FANCL: variants seen among roughly 807,000 people sequenced by gnomAD.
FANCL encodes E3 ubiquitin-protein ligase FANCL.
A neutral mutation model predicts 59.4 loss-of-function variants in FANCL; 69 were observed. The ratio of observed to expected loss-of-function variants is 1.16; its 90% CI spans 0.96 to 1.42. The LOEUF (loss-of-function observed/expected upper bound fraction) is 1.42. Ranked by LOEUF, FANCL falls within the 40% of genes most tolerant of loss-of-function variation. The pLI, the probability that FANCL is intolerant of heterozygous loss-of-function variation, is 0.00. For missense variants in FANCL, 519 were observed against 447.2 expected (o/e 1.16, Z -1.45); for synonymous variants, 180 against 147.1 (o/e 1.22, Z -1.62).
At chr2:58,214,225 T>G (rs1273407851) in intron 5 of FANCL, among the ~76,000 whole-genome samples, 1 of 152,164 alleles carries the variant, frequency 6.6e-6, no homozygotes, top group African/African-American at 2.4e-5. Context: ...ATGATAGAGA[T>G]ATTCATATCC....
intron 7 of FANCL, among the ~76,000 whole-genome samples, chr2:58,185,706 G>A (rs1016767893): frequency 3.9e-5 from 6 of 152,068 alleles, no homozygotes; most frequent in Admixed American, 2.0e-4. Context: ...TAAACCACTC[G>A]AAAACTGGGT....
At chr2:58,236,441 T>C (rs1388417345) in intron 1 of FANCL, among the ~76,000 whole-genome samples, 1 of 151,120 alleles carries the variant, frequency 6.6e-6, no homozygotes, top group East Asian at 1.9e-4. Flanking sequence ...ATATGTATAT[T>C]ATAAACCCTT....
At chr2:58,176,142 A>G (rs551901054) in intron 7 of FANCL, among the ~76,000 whole-genome samples, 3 of 152,112 alleles carry the variant, frequency 2.0e-5, no homozygotes, top group Admixed American at 2.0e-4. Flanking sequence ...ATACAAACAA[A>G]TGGAAGAACA....
At chr2:58,178,251 T>C (rs562819076) in intron 7 of FANCL, among the ~76,000 whole-genome samples, 1 of 152,302 alleles carries the variant, frequency 6.6e-6, no homozygotes, top group South Asian at 2.1e-4. Context: ...TGCATCATCC[T>C]GACACCAAAA....
intron 2 of FANCL, 119 bp downstream of exon 2, chr2:58,231,935 G>A: frequency 1.3e-6 from 1 of 788,786 alleles, no homozygotes. Flanking sequence ...TTCTTTTGGG[G>A]CAAATGACTA....
intron 5 of FANCL, among the ~76,000 whole-genome samples, chr2:58,207,126 G>C (rs1690664344): frequency 6.6e-6 from 1 of 152,136 alleles, no homozygotes; most frequent in Non-Finnish European, 1.5e-5. Context: ...AAGCACAAGT[G>C]ATGTGTGCTT....
chr2:58,179,696 C>T (rs983725705), intron 7 of FANCL, among the ~76,000 whole-genome samples: 5 of 152,142 alleles, frequency 3.3e-5, no homozygotes, highest in African/African-American at 9.7e-5. Context: ...ATGACTAAAA[C>T]ACCAAAAGCA....
At chr2:58,230,560 T>C (rs1169559557) in intron 2 of FANCL, among the ~76,000 whole-genome samples, 1 of 152,234 alleles carries the variant, frequency 6.6e-6, no homozygotes, top group Admixed American at 6.5e-5. Context: ...CCCGATACTA[T>C]TAAGTAACTC....
chr2:58,235,868 G>A (rs557195995), intron 1 of FANCL, among the ~76,000 whole-genome samples: 2 of 151,900 alleles, frequency 1.3e-5, no homozygotes, highest in African/African-American at 4.8e-5. Context: ...ATGCTAGATA[G>A]TATCAACAGC....
rs919344784 is a variant in FANCL, at chr2:58,226,914, A to C, written c.217-130T>G. On this transcript the variant is annotated intron_variant, in intron 3 of 13. Coordinates refer to ENST00000233741, the MANE Select transcript of FANCL (RefSeq NM_018062.4). The stretch of plus-strand genomic sequence containing the variant: ...TATATCTACATCTGAAAACTATAAG[A>C]AATGAAGTATCGGTCATCAACTTTA... 6 of 758,136 alleles carry C rather than the reference A, an allele frequency of 7.9e-6. No individual in the cohort carries two copies. In the African/African-American group the frequency reaches 8.9e-5, roughly 11 times the overall value. 47.0% of individuals were successfully genotyped at this position (758,136 alleles called of 1,614,324 possible).
intron 4 of FANCL, among the ~76,000 whole-genome samples, chr2:58,225,491 G>A (rs1354708128): frequency 6.6e-6 from 1 of 151,916 alleles, no homozygotes. Flanking sequence ...TGTTATTAGA[G>A]GCTAAAATCA....
intron 7 of FANCL, among the ~76,000 whole-genome samples, chr2:58,192,382 T>C (rs533725021): frequency 1.2e-4 from 18 of 152,052 alleles, no homozygotes; most frequent in Admixed American, 6.6e-4. Context: ...ACTTAAGAAA[T>C]ACCATTGGTA....
intron 7 of FANCL, among the ~76,000 whole-genome samples, chr2:58,167,733 A>C (rs1431261026): frequency 6.6e-6 from 1 of 152,250 alleles, no homozygotes; most frequent in Non-Finnish European, 1.5e-5. Flanking sequence ...ATACGATTTT[A>C]CTAGCTAGCC....
chr2:58,221,999 G>A lies in FANCL; in HGVS notation c.317C>T (p.Pro106Leu), dbSNP rs771772034. ...KNRQELYALP[P>L]PPQFYSSLIE... The stretch of plus-strand genomic sequence containing the variant: ...AAGGCTTGAGTAGAACTGGGGAGGA[G>A]GAGGTAGTGCATACAGCTCTTGTCT... Residue 106 changes from proline to leucine, a missense_variant, in exon 5 of 14, where the codon CCT becomes CTT. Coordinates refer to ENST00000233741, the MANE Select transcript of FANCL (RefSeq NM_018062.4). The A allele has an allele frequency of 1.1e-5, 18 of 1,613,440 alleles. No individual in the cohort carries two copies. The highest frequency in any genetic ancestry group is 1.5e-5 in the Non-Finnish European group (18 of 1,179,606).
chr2:58,194,966 C>A lies in FANCL; in HGVS notation c.540+3628G>T, dbSNP rs1689290106. On this transcript the variant is annotated intron_variant, in intron 7 of 13. Coordinates refer to ENST00000233741, the MANE Select transcript of FANCL (RefSeq NM_018062.4). ...AATAAAGATCTTCCAAGTTTAAAGT[C>A]CAGAAACACTGACTCCAAAGAGAAA... 2.0e-5 allele frequency among the ~76,000 whole-genome samples: 3 copies of A among 151,246 alleles called. No individual in the cohort carries two copies. The South Asian group carries it at 6.3e-4, about 32-fold the overall frequency.
Position 58,229,877 on chromosome 2 carries a change from A to T in FANCL, c.156-3T>A. 1 of 1,604,128 alleles carries T rather than the reference A, an allele frequency of 6.2e-7. No individual in the cohort carries two copies. The highest frequency in any genetic ancestry group is 8.5e-7 in the Non-Finnish European group (1 of 1,171,146). On this transcript the variant is annotated splice_region_variant and splice_polypyrimidine_tract_variant and intron_variant, in intron 2 of 13. Coordinates refer to ENST00000233741, the MANE Select transcript of FANCL (RefSeq NM_018062.4). Reference sequence around the variant, plus strand: ...TCAGCTGCCAACTACATAATAATCTAAAATTTTAATGAGACAAAATGGTTT... The same window carrying T: ...TCAGCTGCCAACTACATAATAATCTTAAATTTTAATGAGACAAAATGGTTT...
chr2:58,197,211 T>C (rs1689521947), intron 7 of FANCL, among the ~76,000 whole-genome samples: 1 of 151,598 alleles, frequency 6.6e-6, no homozygotes, highest in South Asian at 2.1e-4. Flanking sequence ...AAATACAATA[T>C]ATAATTAAAA....
intron 7 of FANCL, among the ~76,000 whole-genome samples, chr2:58,172,783 C>A (rs1285387323): frequency 6.6e-6 from 1 of 152,170 alleles, no homozygotes; most frequent in Non-Finnish European, 1.5e-5. Flanking sequence ...CAAAGCTGGA[C>A]AGAGAATGAC....
chr2:58,238,205 T>C (rs1024357656), intron 1 of FANCL, among the ~76,000 whole-genome samples: 1 of 152,210 alleles, frequency 6.6e-6, no homozygotes, highest in Non-Finnish European at 1.5e-5. Context: ...GTGTATTTTA[T>C]GTGTGCCCAA....
Sources: allele counts gnomAD v4.1 joint callset (sites outside exome capture counted in the v4.1 genomes callset), GRCh38; gene constraint gnomAD v4.1.1; transcripts MANE v1.5; gene names NCBI Gene and HGNC (gene_info 2026-07-23, HGNC 2026-07-21).